Variants in KDM2A observed in about 807,000 individuals in gnomAD.
The protein encoded by KDM2A is lysine demethylase 2A.
A neutral mutation model predicts 137.3 loss-of-function variants in KDM2A; 3 were observed. The observed-to-expected ratio is 0.02, with a 90% CI of 0.01 to 0.06. The LOEUF is 0.06. Among genes scored for constraint, KDM2A ranks in the 10% least tolerant of loss-of-function variants. KDM2A has a pLI of 1.00. For synonymous variants in KDM2A, 512 were observed against 541.5 expected, an observed-to-expected ratio of 0.95 and a Z score of 0.76; for missense variants, 738 against 1,510.6, an observed-to-expected ratio of 0.49 and a Z score of 8.48.
chr11:67,247,092 T>A (rs1274413306), intron 15 of KDM2A, among the ~76,000 whole-genome samples: 1 of 103,600 alleles, frequency 9.7e-6, no homozygotes, highest in African/African-American at 3.9e-5. Context: ...TTTTTTTTTT[T>A]TTTTTTTTTT....
rs140130777 is a variant in KDM2A at position 67,215,659 on chromosome 11, T to C, written c.594-197T>C. On this transcript the variant is annotated intron_variant, in intron 7 of 20. Transcript: ENST00000529006. The stretch of plus-strand genomic sequence containing the variant: ...AGTTAAAGGAAAAAAAACTTACATT[T>C]TAGTCAATACGGTAGAAAAAAAAAA... 2.1e-3 allele frequency: 1,315 copies of C among 627,592 alleles called. 10 individuals carry two copies. Among genetic ancestry groups the C allele is most frequent in the African/African-American group, 0.018 (986 of 54,398 alleles). The allele number at this position is 627,592 out of a possible 1,614,324, so 38.9% of individuals were successfully genotyped here.
At chr11:67,153,519 A>C (rs1856445191) in intron 2 of KDM2A, among the ~76,000 whole-genome samples, 1 of 152,128 alleles carries the variant, frequency 6.6e-6, no homozygotes, top group Admixed American at 6.6e-5. Flanking sequence ...ATTTTGAAAA[A>C]GCTCAAACAC....
At chr11:67,149,500 T>A (rs1437290424) in intron 2 of KDM2A, among the ~76,000 whole-genome samples, 2 of 152,048 alleles carry the variant, frequency 1.3e-5, no homozygotes, top group Admixed American at 6.6e-5. Flanking sequence ...TATATCTGTA[T>A]TATTGTAGAA....
Position 67,245,488 on chromosome 11 carries a change from G to A in KDM2A, c.1833+30G>A. On this transcript the variant is annotated intron_variant, in intron 14 of 20. Transcript: ENST00000529006. The surrounding 1 kb of genome is among the most constrained non-coding windows in gnomAD (Gnocchi z 4.1). ...GTGATCTGCTGGGTAAAGAATTTTG[G>A]GGAGGGGTGGCAGTGCCAAAGGAAC... 1 of 1,608,872 alleles carries A rather than the reference G, an allele frequency of 6.2e-7. No individual in the cohort carries two copies. Among genetic ancestry groups the A allele is most frequent in the Non-Finnish European group, 8.5e-7 (1 of 1,176,924 alleles).
At chr11:67,127,764 A>G (rs188573487) in intron 2 of KDM2A, among the ~76,000 whole-genome samples, 4 of 152,124 alleles carry the variant, frequency 2.6e-5, no homozygotes, top group Admixed American at 6.6e-5. Flanking sequence ...CTGGAGTGCT[A>G]TGACGCAATC....
chr11:67,157,112 G>A (rs1856532866), intron 2 of KDM2A, among the ~76,000 whole-genome samples: 1 of 151,800 alleles, frequency 6.6e-6, no homozygotes, highest in South Asian at 2.1e-4. Context: ...AGGAGATAGA[G>A]ACCATCCTGG....
At chr11:67,213,971 T>A (rs1192241615) in intron 6 of KDM2A, among the ~76,000 whole-genome samples, 1 of 152,078 alleles carries the variant, frequency 6.6e-6, no homozygotes, top group African/African-American at 2.4e-5. Flanking sequence ...TAAGCAAACC[T>A]CCCATCTTAG....
At position 67,245,965 on chromosome 11, in the gene KDM2A, C is replaced by G. The variant is rs751223546; in HGVS notation, c.1834-20C>G. The G allele has an allele frequency of 6.2e-7, 1 of 1,613,188 alleles. No individual in the cohort carries two copies. The highest frequency in any genetic ancestry group is 2.2e-5 in the East Asian group (1 of 44,866). On this transcript the variant is annotated intron_variant, in intron 14 of 20. Coordinates refer to ENST00000529006, the MANE Select transcript of KDM2A (RefSeq NM_012308.3). This position sits in a 1 kb window ranked among gnomAD's most constrained non-coding sequence, Gnocchi z 4.1. ...AGATCTGAGTCAGTTCTCTTGGATT[C>G]TATCTTTGTCCTCTTGTAGCCCAGA...
intron 2 of KDM2A, among the ~76,000 whole-genome samples, chr11:67,126,757 A>G (rs915898963): frequency 6.6e-6 from 1 of 151,600 alleles, no homozygotes; most frequent in African/African-American, 2.4e-5. Flanking sequence ...TTATTTACCT[A>G]TTACGTGTGG....
chr11:67,137,795 A>T (rs948987923), intron 2 of KDM2A, among the ~76,000 whole-genome samples: 3 of 152,120 alleles, frequency 2.0e-5, no homozygotes, highest in Non-Finnish European at 4.4e-5. Context: ...ACTTACTGGC[A>T]TATGATTGGG....
At chr11:67,161,698 A>G (rs1332155265) in intron 2 of KDM2A, among the ~76,000 whole-genome samples, 2 of 152,148 alleles carry the variant, frequency 1.3e-5, no homozygotes, top group African/African-American at 4.8e-5. Flanking sequence ...GTCTGGGGAT[A>G]TACACAAGGA....
chr11:67,121,410 A>G (rs929649701), intron 2 of KDM2A, 52 bp downstream of exon 2: 35 of 1,560,440 alleles, frequency 2.2e-5, no homozygotes, highest in Middle Eastern at 1.7e-4. Flanking sequence ...TAGGATAACT[A>G]TTTTGTTTCC....
chr11:67,134,001 G>C (rs1293431162), intron 2 of KDM2A, among the ~76,000 whole-genome samples: 2 of 152,204 alleles, frequency 1.3e-5, no homozygotes, highest in Non-Finnish European at 2.9e-5. Context: ...ACCAACTGTG[G>C]TTTTAAACAA....
intron 2 of KDM2A, among the ~76,000 whole-genome samples, chr11:67,136,483 T>G (rs919139218): frequency 4.6e-5 from 7 of 152,222 alleles, no homozygotes; most frequent in Non-Finnish European, 8.8e-5. Flanking sequence ...TGAGTGCTTA[T>G]GTTGTACTAA....
In KDM2A at chr11:67,250,521, C is replaced by T; in HGVS notation, c.2491C>T (p.His831Tyr). ...CACGGCCTCCTCTGCCAACCTTCGC[C>T]ATTCCCCCCGTGTGCTAGTGCAGCA... ...AITASSANLR[H>Y]SPRVLVQHCP... The change falls in exon 17 of 21, where the codon CAT becomes TAT. Residue 831 changes from histidine to tyrosine, a missense_variant. Physicochemically the swap from His to Tyr is moderately conservative, Grantham distance 83. This residue lies in a region of KDM2A where 244 missense variants were observed against 324.6 expected (regional missense o/e 0.75). Transcript: ENST00000529006. The surrounding 1 kb of genome is among the most constrained non-coding windows in gnomAD (Gnocchi z 7.1). 1 of 1,614,044 alleles carries T rather than the reference C, an allele frequency of 6.2e-7. No individual in the cohort carries two copies. Among genetic ancestry groups the T allele is most frequent in the Non-Finnish European group, 8.5e-7 (1 of 1,179,900 alleles).
At chr11:67,138,611 T>C (rs953336815) in intron 2 of KDM2A, among the ~76,000 whole-genome samples, 1 of 152,164 alleles carries the variant, frequency 6.6e-6, no homozygotes, top group Non-Finnish European at 1.5e-5. Context: ...CAAAATCCCA[T>C]GTCTACCAAA....
intron 2 of KDM2A, among the ~76,000 whole-genome samples, chr11:67,156,588 A>C (rs973078120): frequency 5.3e-5 from 8 of 151,750 alleles, no homozygotes; most frequent in Admixed American, 5.3e-4. Flanking sequence ...GCGTGGTGGT[A>C]GGCGCCTGTA....
At chr11:67,159,847 A>C (rs1856596774) in intron 2 of KDM2A, among the ~76,000 whole-genome samples, 1 of 152,200 alleles carries the variant, frequency 6.6e-6, no homozygotes, top group East Asian at 1.9e-4. Context: ...GGATATGTTC[A>C]TATCAGAAAA....
chr11:67,142,884 G>A (rs1856146131), intron 2 of KDM2A, among the ~76,000 whole-genome samples: 1 of 151,850 alleles, frequency 6.6e-6, no homozygotes, highest in African/African-American at 2.4e-5. Flanking sequence ...TATACCCATT[G>A]CCAAGCTTCA....
Sources: gnomAD v4.1 joint callset for allele counts (sites outside exome capture counted in the v4.1 genomes callset) on GRCh38, gnomAD v4.1.1 for gene constraint, gnomAD v4.1.1 regional missense constraint, Gnocchi (gnomAD v3.1) non-coding constraint, MANE v1.5 for transcripts, NCBI Gene and HGNC (gene_info 2026-07-23, HGNC 2026-07-21) for gene names.